Variants in MIA2 observed in about 807,000 individuals in gnomAD.
MIA2 encodes the protein MIA SH3 domain ER export factor 2, also known as melanoma inhibitory activity protein 2.
A neutral mutation model predicts 167.8 loss-of-function variants in MIA2; 127 were observed. The observed-to-expected ratio is 0.76, with a 90% CI of 0.66 to 0.88. The LOEUF (loss-of-function observed/expected upper bound fraction) is 0.88, where lower values mean the gene tolerates loss of function less well. MIA2 is among the 40% of genes least tolerant of loss of function. The pLI, the probability that MIA2 is intolerant of heterozygous loss-of-function variation, is 0.00. For synonymous variants in MIA2, 552 were observed against 541.9 expected (o/e 1.02, Z -0.26); for missense variants, 1,690 against 1,624.7 (o/e 1.04, Z -0.69).
At chr14:39,354,996 A>T (rs966413199), downstream of MIA2, among the ~76,000 whole-genome samples, 1 of 152,118 alleles carries the variant, frequency 6.6e-6, no homozygotes, top group Non-Finnish European at 1.5e-5. Context: ...AGGTAGCGTG[A>T]TGCCTCCAGC....
rs777071768 is a variant in MIA2 at position 39,314,744 on chromosome 14, G to A, written c.3125G>A (p.Arg1042Gln). ...ATEELETYRK[R>Q]AKDLEEELER... is the part of the protein sequence containing the mutation. ...TAATTATTCGTTCCATTTAGAAAGC[G>A]AGCCAAAGATCTTGAAGAAGAATTG... is the stretch of plus-strand genomic sequence containing the variant. The change falls in exon 20 of 29, where the codon CGA becomes CAA. Residue 1042 changes from arginine to glutamine, a missense_variant. Arg to Gln is a conservative substitution (Grantham distance 43, BLOSUM62 1). Coordinates refer to ENST00000640607, the MANE Select transcript of MIA2 (RefSeq NM_001329214.4). 5.6e-6 allele frequency: 9 copies of A among 1,605,616 alleles called. No homozygotes were observed. The highest frequency in any genetic ancestry group is 2.2e-5 in the East Asian group (1 of 44,580).
At chr14:39,297,666 C>CGTGTGTGCGT (rs1555375081) in intron 13 of MIA2, among the ~76,000 whole-genome samples, 16 of 140,172 alleles carry the variant, frequency 1.1e-4, no homozygotes, top group African/African-American at 3.8e-4. Context: ...TAGGGTTTTG[C>CGTGTGTGCGT]GTGTGTGTGT....
At chr14:39,347,622 G>T in intron 26 of MIA2, 91 bp from the exon 27 acceptor site, 1 of 1,297,368 alleles carries the variant, frequency 7.7e-7, no homozygotes, top group Non-Finnish European at 1.1e-6. Flanking sequence ...CCAACAAGGG[G>T]AGTGGGAAAA....
chr14:39,245,568 G>A (rs1210452662), intron 3 of MIA2, among the ~76,000 whole-genome samples: 1 of 152,140 alleles, frequency 6.6e-6, no homozygotes, highest in Non-Finnish European at 1.5e-5. Context: ...CTTAGTCAAT[G>A]TTGTGCTGCT....
chr14:39,247,992 T>A lies in MIA2; in HGVS notation c.1418T>A (p.Ile473Asn). 1 of 1,585,444 alleles carries A rather than the reference T, an allele frequency of 6.3e-7. No individual in the cohort carries two copies. The highest frequency in any genetic ancestry group is 2.2e-5 in the East Asian group (1 of 44,532). ...GACAACCCTTGGAACTTCCAGAACA[T>A]TCCAAAGGAAACAGAATTGCCATTT... ...NFDNPWNFQN[I>N]PKETELPFPK... Residue 473 changes from isoleucine (I) to asparagine (N), a missense_variant, in exon 4 of 29, where the codon ATT (isoleucine) becomes AAT (asparagine). Ile to Asn is a moderately radical substitution (Grantham distance 149). Transcript: ENST00000640607.
Position 39,234,011 on chromosome 14 carries a change from A to G in MIA2, c.-104A>G, listed in dbSNP as rs1417871698. The G allele has an allele frequency of 1.7e-6, 1 of 588,642 alleles. No individual in the cohort carries two copies. Among genetic ancestry groups the G allele is most frequent in the Non-Finnish European group, 2.9e-6 (1 of 339,264 alleles). The allele number at this position is 588,642 out of a possible 1,614,324, so 36.5% of individuals were successfully genotyped here. ...TTAAAACTTCAACCCTTTTTCTCTT[A>G]TAGTTAGTGAAGAGAGTAGAATATC... On this transcript the variant is annotated 5_prime_UTR_variant, in exon 1 of 29. Coordinates refer to ENST00000640607, the MANE Select transcript of MIA2 (RefSeq NM_001329214.4).
intron 3 of MIA2, among the ~76,000 whole-genome samples, chr14:39,245,262 G>C (rs921741799): frequency 2.0e-5 from 3 of 151,982 alleles, no homozygotes; most frequent in African/African-American, 7.2e-5. Flanking sequence ...CTTTTAACAA[G>C]GTTTTCATGC....
At chr14:39,359,766 A>T (rs922462827) in intron 23 of MIA2, among the ~76,000 whole-genome samples, 2 of 152,062 alleles carry the variant, frequency 1.3e-5, no homozygotes, top group Admixed American at 1.3e-4. Context: ...TGTCTTTGCT[A>T]TTGTCAGTAG....
Position 39,319,251 on chromosome 14 carries a change from T to C in MIA2, c.3327T>C (p.Asp1109=), listed in dbSNP as rs1479100674. Reference sequence around the variant, plus strand: ...TTAAATTTGAACTTTTAGAAAAAGATCCTTATGCACTCGATGTTCCAAATA... The same window carrying C: ...TTAAATTTGAACTTTTAGAAAAAGACCCTTATGCACTCGATGTTCCAAATA... ...TELKFELLEK[D]PYALDVPNTA... The change falls in exon 23 of 29, where the codon GAT becomes GAC. Residue 1109 remains aspartate (D), a synonymous_variant. Coordinates refer to ENST00000640607, the MANE Select transcript of MIA2 (RefSeq NM_001329214.4). The C allele has an allele frequency of 2.1e-5, 33 of 1,572,086 alleles. No homozygotes were observed. The highest frequency in any genetic ancestry group is 2.5e-5 in the Non-Finnish European group (29 of 1,157,212).
chr14:39,365,054 T>A (rs1037038349), intron 23 of MIA2, among the ~76,000 whole-genome samples: 11 of 151,354 alleles, frequency 7.3e-5, no homozygotes, highest in African/African-American at 1.7e-4. Context: ...TTCTTTTTTT[T>A]AAATAATTGG....
Position 39,234,104 on chromosome 14 carries a change from C to T in MIA2, c.-11C>T. On this transcript the variant is annotated 5_prime_UTR_variant, in exon 1 of 29. Transcript: ENST00000640607. ...AAACTTCACTTGGGATTCCCGGTTG[C>T]TTGTTTTAGCATGGCAAAATTTGGC... The T allele has an allele frequency of 6.3e-7, 1 of 1,576,688 alleles. No homozygotes were observed. The highest frequency in any genetic ancestry group is 8.7e-7 in the Non-Finnish European group (1 of 1,155,108).
intron 23 of MIA2, among the ~76,000 whole-genome samples, chr14:39,373,604 T>G (rs1362610545): frequency 6.6e-6 from 1 of 152,076 alleles, no homozygotes; most frequent in Non-Finnish European, 1.5e-5. Flanking sequence ...GTGGATCACC[T>G]GAGGTCAGGA....
chr14:39,382,978 G>A (rs964572973), intron 23 of MIA2, among the ~76,000 whole-genome samples: 1 of 32,096 alleles, frequency 3.1e-5, no homozygotes. Flanking sequence ...TTTTTTTTTG[G>A]TAAGAGATAT....
intron 6 of MIA2, among the ~76,000 whole-genome samples, chr14:39,264,156 G>C (rs6571912): frequency 0.58 from 87,791 of 151,954 alleles, 27,132 homozygotes; most frequent in African/African-American, 0.81. Flanking sequence ...ATGTCTGTAC[G>C]TACCCAAGAT....
At chr14:39,371,288 TG>T (rs2074940865) in intron 23 of MIA2, among the ~76,000 whole-genome samples, 1 of 152,214 alleles carries the variant, frequency 6.6e-6, no homozygotes, top group Non-Finnish European at 1.5e-5. Context: ...TTCCCAGAAT[TG>T]GGGCCAGAAT....
At chr14:39,361,277 A>G (rs2074676439) in intron 23 of MIA2, among the ~76,000 whole-genome samples, 1 of 152,086 alleles carries the variant, frequency 6.6e-6, no homozygotes, top group Non-Finnish European at 1.5e-5. Context: ...TCCTGTGATG[A>G]TGGGATGGGA....
intron 23 of MIA2, chr14:39,386,101 C>A: frequency 7.8e-7 from 1 of 1,282,058 alleles, no homozygotes; most frequent in Non-Finnish European, 1.1e-6. Context: ...CTCCAGGGTG[C>A]TTGATGACAT....
intron 9 of MIA2, among the ~76,000 whole-genome samples, chr14:39,282,817 C>T (rs2059136664): frequency 1.3e-5 from 2 of 152,228 alleles, no homozygotes; most frequent in African/African-American, 4.8e-5. Flanking sequence ...AGGTGATCCT[C>T]TCGCCTCAGC....
chr14:39,314,684 G>T (rs2065015318), intron 19 of MIA2, 55 bp from the exon 20 acceptor site: 2 of 1,158,272 alleles, frequency 1.7e-6, no homozygotes, highest in East Asian at 3.9e-5. Context: ...TAGAGAGTAT[G>T]TTCTGTCATT....
Sources: allele counts gnomAD v4.1 joint callset (sites outside exome capture counted in the v4.1 genomes callset), GRCh38; gene constraint gnomAD v4.1.1; transcripts MANE v1.5; gene names NCBI Gene and HGNC (gene_info 2026-07-23, HGNC 2026-07-21).